DNM3: variants seen among roughly 807,000 people sequenced by gnomAD.
DNM3 encodes dynamin 3, also known as dynamin-3.
A neutral mutation model predicts 101.6 loss-of-function variants in DNM3; 47 were observed. The observed-to-expected ratio is 0.46, with a 90% CI of 0.37 to 0.59. DNM3 has a LOEUF of 0.59. Among genes scored for constraint, DNM3 ranks in the 20% least tolerant of loss-of-function variants. The probability of loss-of-function intolerance (pLI) is 0.00; values close to 1 mark genes in which losing one functional copy is unlikely to be tolerated. For missense variants in DNM3, 849 were observed against 1,085.7 expected (o/e 0.78, Z 3.06); for synonymous variants, 385 against 387.9 (o/e 0.99, Z 0.09).
At position 172,388,622 on chromosome 1, in the gene DNM3, C is replaced by T. The variant is rs201368851; in HGVS notation, c.2335C>T (p.Pro779Ser). The change falls in exon 20 of 21, where the codon CCC (proline) becomes TCC (serine). Residue 779 changes from proline (P) to serine (S), a missense_variant. Coordinates refer to ENST00000627582, the MANE Select transcript of DNM3 (RefSeq NM_015569.5). ...TTQRRPTLSA[P>S]LARPTSGRGP... Reference sequence around the variant, plus strand: ...CCAAAGGAGGCCAACACTAAGTGCTCCCCTCGCAAGGCCCACATCCGGCCG... The same window carrying T: ...CCAAAGGAGGCCAACACTAAGTGCTTCCCTCGCAAGGCCCACATCCGGCCG... The T allele has an allele frequency of 9.9e-6, 16 of 1,614,040 alleles. No homozygotes were observed. The Admixed American group carries it at 2.7e-4, about 27-fold the overall frequency.
intron 17 of DNM3, among the ~76,000 whole-genome samples, chr1:172,324,430 A>G (rs2065858722): frequency 6.6e-6 from 1 of 152,202 alleles, no homozygotes; most frequent in Non-Finnish European, 1.5e-5. Context: ...CATGGTTGGT[A>G]TTGAAAATGT....
intron 4 of DNM3, among the ~76,000 whole-genome samples, chr1:171,992,620 C>T (rs1477333197): frequency 6.6e-6 from 1 of 152,040 alleles, no homozygotes; most frequent in Non-Finnish European, 1.5e-5. Context: ...ATCATTAGAA[C>T]TGCTGCTCCA....
intron 4 of DNM3, among the ~76,000 whole-genome samples, chr1:172,009,563 A>G (rs1005625022): frequency 6.6e-6 from 1 of 151,834 alleles, no homozygotes; most frequent in Non-Finnish European, 1.5e-5. Flanking sequence ...CCATATGTCA[A>G]GTGTTCAATA....
chr1:172,416,918 G>A (rs2071448272), downstream of DNM3, among the ~76,000 whole-genome samples: 1 of 152,072 alleles, frequency 6.6e-6, no homozygotes, highest in South Asian at 2.1e-4. Flanking sequence ...TAAATGGATG[G>A]GAGGCCTCTT....
chr1:172,075,078 AG>A (rs1455301506), intron 11 of DNM3, among the ~76,000 whole-genome samples: 2 of 151,618 alleles, frequency 1.3e-5, no homozygotes, highest in Admixed American at 6.6e-5. Context: ...AGTGATGATG[AG>A]CTTTTTTTTC....
chr1:171,903,855 T>G (rs1326935935), intron 1 of DNM3, among the ~76,000 whole-genome samples: 1 of 152,178 alleles, frequency 6.6e-6, no homozygotes, highest in Non-Finnish European at 1.5e-5. Context: ...AAAAACTGCT[T>G]AAAATGTTCT....
chr1:172,133,481 G>T (rs907101495), intron 14 of DNM3: 1 of 943,688 alleles, frequency 1.1e-6, no homozygotes, highest in Non-Finnish European at 1.3e-6. Flanking sequence ...GAGTGGAAAT[G>T]ACCCTTGAAA....
chr1:171,932,261 C>T (rs1040371800), intron 2 of DNM3, among the ~76,000 whole-genome samples: 1 of 151,584 alleles, frequency 6.6e-6, no homozygotes, highest in African/African-American at 2.4e-5. Context: ...GCTGCCTCCA[C>T]CTCCCAAATA....
Position 171,956,072 on chromosome 1 carries a change from G to T in DNM3, c.236-31584G>T, listed in dbSNP as rs550552756. The stretch of plus-strand genomic sequence containing the variant: ...AGCTACAATTCAAGATGAGATTTGG[G>T]TGGGGACATAGCCAAACATATCATT... On this transcript the variant is annotated intron_variant, in intron 2 of 20. Coordinates refer to ENST00000627582, the MANE Select transcript of DNM3 (RefSeq NM_015569.5). Among the ~76,000 whole-genome samples the T allele has an allele frequency of 2.0e-5, 3 of 152,222 alleles. No individual in the cohort carries two copies. The East Asian group carries it at 5.8e-4, about 29-fold the overall frequency.
At chr1:172,347,562 T>C (rs1202765423) in intron 17 of DNM3, among the ~76,000 whole-genome samples, 1 of 152,176 alleles carries the variant, frequency 6.6e-6, no homozygotes, top group Non-Finnish European at 1.5e-5. Flanking sequence ...GGAATCAGAT[T>C]AGATATAGCT....
In DNM3 at chr1:172,145,010, C is replaced by A. The variant is rs561114032; in HGVS notation, c.1659+13722C>A. Among the ~76,000 whole-genome samples the A allele has an allele frequency of 2.0e-5, 3 of 152,076 alleles. No homozygotes were observed. The East Asian group carries it at 5.8e-4, about 29-fold the overall frequency. On this transcript the variant is annotated intron_variant, in intron 14 of 20. Coordinates refer to ENST00000627582, the MANE Select transcript of DNM3 (RefSeq NM_015569.5). Reference sequence around the variant, plus strand: ...GTTAAGCAGTCATTTCATCTTCAGGCCAGATTTTTTTCCTCAACTGGGCAG... The same window carrying A: ...GTTAAGCAGTCATTTCATCTTCAGGACAGATTTTTTTCCTCAACTGGGCAG...
intron 2 of DNM3, among the ~76,000 whole-genome samples, chr1:171,958,760 G>C (rs577836116): frequency 1.3e-5 from 2 of 152,096 alleles, no homozygotes; most frequent in African/African-American, 4.8e-5. Flanking sequence ...TGGGGAGGGG[G>C]AGATCAATAA....
intron 2 of DNM3, among the ~76,000 whole-genome samples, chr1:171,985,101 T>C (rs1437200919): frequency 6.6e-6 from 1 of 152,220 alleles, no homozygotes; most frequent in Non-Finnish European, 1.5e-5. Context: ...TTGTGTTAAC[T>C]GGAATGTATC....
intron 20 of DNM3, among the ~76,000 whole-genome samples, chr1:172,396,559 C>T (rs2070019497): frequency 6.6e-6 from 1 of 152,186 alleles, no homozygotes; most frequent in East Asian, 1.9e-4. Flanking sequence ...CAACTAAATA[C>T]ACCACCACAG....
chr1:172,247,245 C>T (rs893497231), intron 14 of DNM3, among the ~76,000 whole-genome samples: 1 of 151,884 alleles, frequency 6.6e-6, no homozygotes, highest in East Asian at 1.9e-4. Context: ...AGTAGTGTAG[C>T]ACTGAGAGAG....
intron 13 of DNM3, among the ~76,000 whole-genome samples, chr1:172,095,919 A>G (rs185050890): frequency 6.6e-6 from 1 of 152,358 alleles, no homozygotes. Context: ...TTTAACCTTC[A>G]TTCATCCTTC....
At chr1:172,307,170 C>T (rs1244528442) in intron 15 of DNM3, among the ~76,000 whole-genome samples, 1 of 152,140 alleles carries the variant, frequency 6.6e-6, no homozygotes. Context: ...AGAACTTAAA[C>T]AAATTTTACC....
chr1:172,305,769 C>T (rs577448510), intron 15 of DNM3, among the ~76,000 whole-genome samples: 3 of 152,198 alleles, frequency 2.0e-5, no homozygotes, highest in East Asian at 1.9e-4. Flanking sequence ...TAAACAGAAC[C>T]GAAGAGAAAA....
intron 15 of DNM3, among the ~76,000 whole-genome samples, chr1:172,283,699 G>A (rs534919758): frequency 3.4e-5 from 5 of 146,142 alleles, no homozygotes; most frequent in South Asian, 2.2e-4. Context: ...GGCGGAGGTT[G>A]CAGTGAGCTG....
Sources: gnomAD v4.1 joint callset for allele counts (sites outside exome capture counted in the v4.1 genomes callset) on GRCh38, gnomAD v4.1.1 for gene constraint, MANE v1.5 for transcripts, NCBI Gene and HGNC (gene_info 2026-07-23, HGNC 2026-07-21) for gene names.